Variants in NUDCD3 observed in about 807,000 individuals in gnomAD.
NUDCD3 encodes nudC domain-containing protein 3.
In NUDCD3, 13 loss-of-function variants were observed where a neutral mutation model predicts 39.7. The observed-to-expected ratio is 0.33, with a 90% CI of 0.21 to 0.52. NUDCD3 has a LOEUF of 0.52. NUDCD3 is among the 20% of genes least tolerant of loss of function. NUDCD3 has a pLI of 0.96. For missense variants in NUDCD3, 453 were observed against 458.1 expected, an observed-to-expected ratio of 0.99 and a Z score of 0.10; for synonymous variants, 175 against 172.4, an observed-to-expected ratio of 1.02 and a Z score of -0.12.
At chr7:44,419,615 C>T (rs1799098464) in intron 3 of NUDCD3, among the ~76,000 whole-genome samples, 1 of 152,116 alleles carries the variant, frequency 6.6e-6, no homozygotes. Context: ...CTGGCATTAG[C>T]CCAGTGCCCC....
intron 2 of NUDCD3, among the ~76,000 whole-genome samples, chr7:44,458,959 T>C (rs1799953257): frequency 2.0e-5 from 3 of 149,578 alleles, no homozygotes; most frequent in Non-Finnish European, 4.5e-5. Context: ...TGTGTGTGTG[T>C]GTGTGTGTGT....
In NUDCD3 at chr7:44,467,857, C is replaced by T. The variant is rs375436559; in HGVS notation, c.509+17111G>A. On this transcript the variant is annotated intron_variant, in intron 2 of 5. Transcript: ENST00000355451. ...GAAAAGAAAAGGCTCTCTTCCTCGG[C>T]GCTGCCTACGGAGGTGGCAGCCATC... is the stretch of plus-strand genomic sequence containing the variant. 670 of 1,427,022 alleles carry T rather than the reference C, an allele frequency of 4.7e-4. 2 individuals carry two copies. The highest frequency in any genetic ancestry group is 6.0e-4 in the Non-Finnish European group (618 of 1,022,136). The allele number at this position is 1,427,022 out of a possible 1,614,324, so 88.4% of individuals were successfully genotyped here.
rs1441186853 is a variant in NUDCD3 at position 44,380,647 on chromosome 7, G to A, written c.*5364C>T. 2.6e-5 allele frequency: 4 copies of A among 152,286 alleles called. No individual in the cohort carries two copies. The highest frequency in any genetic ancestry group is 5.9e-5 in the Non-Finnish European group (4 of 68,104). The allele number at this position is 152,286 out of a possible 1,614,324, so 9.4% of individuals were successfully genotyped here. Reference sequence around the variant, plus strand: ...CACACTGGGTCATTAGTACCCACAAGCAATCACTGTTGAGTTCATGAACTC... The same window carrying A: ...CACACTGGGTCATTAGTACCCACAAACAATCACTGTTGAGTTCATGAACTC... On this transcript the variant is annotated 3_prime_UTR_variant, in exon 6 of 6. Transcript: ENST00000355451.
At chr7:44,400,085 G>C (rs1311161252) in intron 4 of NUDCD3, among the ~76,000 whole-genome samples, 2 of 152,234 alleles carry the variant, frequency 1.3e-5, no homozygotes, top group Non-Finnish European at 2.9e-5. Context: ...AGGACAGCCT[G>C]TCAGCTCCCC....
intron 2 of NUDCD3, among the ~76,000 whole-genome samples, chr7:44,471,185 T>A (rs2116965062): frequency 6.6e-6 from 1 of 152,366 alleles, no homozygotes; most frequent in African/African-American, 2.4e-5. Flanking sequence ...AATCCAACGA[T>A]GCTCAAGTCC....
intron 2 of NUDCD3, among the ~76,000 whole-genome samples, chr7:44,462,609 C>A (rs918248311): frequency 2.0e-5 from 3 of 152,186 alleles, no homozygotes; most frequent in African/African-American, 7.2e-5. Flanking sequence ...GGAGGGTAGG[C>A]CCTGCCTCCT....
intron 3 of NUDCD3, among the ~76,000 whole-genome samples, chr7:44,418,996 C>T (rs1460190814): frequency 6.6e-6 from 1 of 152,150 alleles, no homozygotes; most frequent in Non-Finnish European, 1.5e-5. Flanking sequence ...TTTGGGCAGA[C>T]ACTGAGCTAG....
At chr7:44,483,833 A>G (rs1310388935) in intron 2 of NUDCD3, among the ~76,000 whole-genome samples, 1 of 152,238 alleles carries the variant, frequency 6.6e-6, no homozygotes, top group Non-Finnish European at 1.5e-5. Flanking sequence ...GTATAGTGGC[A>G]GACATCTCTA....
intron 2 of NUDCD3, among the ~76,000 whole-genome samples, chr7:44,461,486 G>C (rs1800013531): frequency 6.6e-6 from 1 of 152,040 alleles, no homozygotes; most frequent in Non-Finnish European, 1.5e-5. Context: ...CTCCCTGTGG[G>C]GGGAGGCACA....
chr7:44,464,462 T>C (rs1800080599), intron 2 of NUDCD3, among the ~76,000 whole-genome samples: 1 of 151,900 alleles, frequency 6.6e-6, no homozygotes, highest in South Asian at 2.1e-4. Flanking sequence ...CTTGACTAGA[T>C]CAACAATTTT....
At chr7:44,457,097 T>C (rs2116943733) in intron 2 of NUDCD3, among the ~76,000 whole-genome samples, 1 of 152,250 alleles carries the variant, frequency 6.6e-6, no homozygotes, top group East Asian at 1.9e-4. Flanking sequence ...AGGAAGTTGG[T>C]GACCCCTGAT....
rs1040044505 is a variant in NUDCD3 at position 44,400,556 on chromosome 7, C to G, written c.786+3884G>C. The stretch of plus-strand genomic sequence containing the variant: ...TGTGATGGGAGACCTGCACTGGTGT[C>G]TGGGGCTGCCCTAACAGGGAACAAC... On this transcript the variant is annotated intron_variant, in intron 4 of 5. Coordinates refer to ENST00000355451, the MANE Select transcript of NUDCD3 (RefSeq NM_015332.4). Among the ~76,000 whole-genome samples, 55 of 152,232 alleles carry G rather than the reference C, an allele frequency of 3.6e-4. 1 individual carries two copies. Among genetic ancestry groups the G allele is most frequent in the African/African-American group, 1.3e-3 (54 of 41,454 alleles).
At chr7:44,452,747 C>T (rs1370891164) in intron 2 of NUDCD3, among the ~76,000 whole-genome samples, 2 of 152,206 alleles carry the variant, frequency 1.3e-5, no homozygotes, top group Admixed American at 6.5e-5. Flanking sequence ...GGACTGGCCT[C>T]GCCAGGTGAC....
chr7:44,396,294 C>T (rs12531675), intron 4 of NUDCD3, among the ~76,000 whole-genome samples: 2,413 of 152,272 alleles, frequency 0.016, 46 homozygotes, highest in Middle Eastern at 0.054. Context: ...CAAACAGGAC[C>T]TGAGGTGTTG....
rs144362002 is a variant in NUDCD3 at position 44,399,279 on chromosome 7, T to C, written c.786+5161A>G. ...TCTGTAAGCTTCAGCTCTTCCCTAC[T>C]GGAACTGATGAAGGATTCTGATTTC... On this transcript the variant is annotated intron_variant, in intron 4 of 5. Transcript: ENST00000355451. Among the ~76,000 whole-genome samples, 637 of 152,350 alleles carry C rather than the reference T, an allele frequency of 4.2e-3. 4 individuals are homozygous for C. The highest frequency in any genetic ancestry group is 0.015 in the African/African-American group (605 of 41,586).
rs1298276163 is a variant in NUDCD3 at position 44,490,625 on chromosome 7, T to G, written c.-25A>C. 1.3e-6 allele frequency: 2 copies of G among 1,581,730 alleles called. No individual in the cohort carries two copies. Among genetic ancestry groups the G allele is most frequent in the South Asian group, 1.1e-5 (1 of 87,022 alleles). On this transcript the variant is annotated 5_prime_UTR_variant, in exon 1 of 6. Transcript: ENST00000355451. The stretch of plus-strand genomic sequence containing the variant: ...TGTCGCCTCCCGCCCTAGGTACGCT[T>G]CACACACACAGCGCCGCCTCAGACC...
chr7:44,426,624 G>A (rs1310665709), intron 3 of NUDCD3, among the ~76,000 whole-genome samples: 3 of 151,924 alleles, frequency 2.0e-5, no homozygotes, highest in Non-Finnish European at 4.4e-5. Context: ...GTGAAACCCC[G>A]TCTCTACTAA....
intron 2 of NUDCD3, among the ~76,000 whole-genome samples, chr7:44,483,229 CAG>C (rs1161021422): frequency 2.0e-5 from 3 of 151,988 alleles, no homozygotes. Context: ...ATTTCACACA[CAG>C]GGGAACAAAG....
chr7:44,408,136 C>A (rs1045378245), intron 3 of NUDCD3, among the ~76,000 whole-genome samples: 3 of 152,158 alleles, frequency 2.0e-5, no homozygotes, highest in African/African-American at 7.2e-5. Context: ...CCCTTTCAAT[C>A]CTAACAAGGG....
Sources: gnomAD v4.1 joint callset for allele counts (sites outside exome capture counted in the v4.1 genomes callset) on GRCh38, gnomAD v4.1.1 for gene constraint, MANE v1.5 for transcripts, NCBI Gene and HGNC (gene_info 2026-07-23, HGNC 2026-07-21) for gene names.